GRM7: variants seen among roughly 807,000 people sequenced by gnomAD.
The protein encoded by GRM7 is glutamate metabotropic receptor 7.
Under a neutral mutation model 84.5 loss-of-function variants are expected in GRM7, and 35 were observed. The ratio of observed to expected loss-of-function variants is 0.41; its 90% confidence interval spans 0.32 to 0.55. The LOEUF (loss-of-function observed/expected upper bound fraction) is 0.55. GRM7 is among the 20% of genes least tolerant of loss of function. The pLI is 0.19. For synonymous variants in GRM7, 487 were observed against 455.1 expected, an observed-to-expected ratio of 1.07 and a Z score of -0.89; for missense variants, 1,003 against 1,194.6, an observed-to-expected ratio of 0.84 and a Z score of 2.36.
At chr3:7,139,008 T>C (rs2125060653) in intron 1 of GRM7, among the ~76,000 whole-genome samples, 1 of 148,562 alleles carries the variant, frequency 6.7e-6, no homozygotes, top group East Asian at 1.9e-4. Context: ...TATATTTTTT[T>C]AGTTTTTCTA....
intron 7 of GRM7, among the ~76,000 whole-genome samples, chr3:7,517,059 A>C (rs367728922): frequency 2.0e-5 from 3 of 152,096 alleles, no homozygotes; most frequent in Admixed American, 2.0e-4. Flanking sequence ...GGGCTATGGC[A>C]TGCTTTCTTT....
intron 4 of GRM7, among the ~76,000 whole-genome samples, chr3:7,310,430 A>T (rs7616360): frequency 0.66 from 99,833 of 152,046 alleles, 34,108 homozygotes; most frequent in African/African-American, 0.85. Flanking sequence ...ACTGGAAAGA[A>T]CAAAGCTGTG....
chr3:7,641,541 A>T (rs1698363547), intron 8 of GRM7, among the ~76,000 whole-genome samples: 1 of 152,108 alleles, frequency 6.6e-6, no homozygotes, highest in East Asian at 1.9e-4. Context: ...ACATGTGAAA[A>T]TCTTTATACC....
At chr3:7,710,666 C>T (rs997504274) in intron 9 of GRM7, among the ~76,000 whole-genome samples, 1 of 152,104 alleles carries the variant, frequency 6.6e-6, no homozygotes, top group African/African-American at 2.4e-5. Flanking sequence ...GGGCATTAGT[C>T]CTTCCCCGGT....
At chr3:7,008,446 A>G (rs1695255459) in intron 1 of GRM7, among the ~76,000 whole-genome samples, 1 of 152,228 alleles carries the variant, frequency 6.6e-6, no homozygotes, top group South Asian at 2.1e-4. Flanking sequence ...CACTTACTAC[A>G]CTGATTTGCT....
chr3:7,205,535 TA>T (rs939240052), intron 2 of GRM7, among the ~76,000 whole-genome samples: 1 of 152,232 alleles, frequency 6.6e-6, no homozygotes, highest in African/African-American at 2.4e-5. Context: ...TTAATACTCT[TA>T]TATAATGTTT....
chr3:6,970,575 G>A (rs897486253), intron 1 of GRM7, among the ~76,000 whole-genome samples: 2 of 152,132 alleles, frequency 1.3e-5, no homozygotes, highest in Non-Finnish European at 2.9e-5. Flanking sequence ...GGAAAGCCGT[G>A]GTGGGAATTT....
intron 1 of GRM7, among the ~76,000 whole-genome samples, chr3:7,022,556 G>GA (rs1053016833): frequency 1.3e-5 from 2 of 151,148 alleles, no homozygotes; most frequent in African/African-American, 4.9e-5. Context: ...TTTAAAATCA[G>GA]AAAAAAAACT....
At chr3:7,094,851 T>TA (rs1424652475) in intron 1 of GRM7, among the ~76,000 whole-genome samples, 25 of 152,156 alleles carry the variant, frequency 1.6e-4, no homozygotes, top group Non-Finnish European at 2.9e-4. Context: ...AAGTAAATGT[T>TA]AAAAAAATTA....
At chr3:7,541,792 T>C (rs1200664196) in intron 7 of GRM7, among the ~76,000 whole-genome samples, 1 of 152,218 alleles carries the variant, frequency 6.6e-6, no homozygotes, top group Non-Finnish European at 1.5e-5. Flanking sequence ...AATAGTTTCC[T>C]GGGGCTGTTG....
At chr3:7,561,259 T>G (rs1156993881) in intron 7 of GRM7, among the ~76,000 whole-genome samples, 3 of 152,130 alleles carry the variant, frequency 2.0e-5, no homozygotes, top group African/African-American at 7.2e-5. Flanking sequence ...TCCAATATTC[T>G]AGAAAAGGAT....
intron 8 of GRM7, among the ~76,000 whole-genome samples, chr3:7,656,564 C>CACACAT (rs1699207168): frequency 6.7e-6 from 1 of 150,292 alleles, no homozygotes; most frequent in Non-Finnish European, 1.5e-5. Context: ...CACACACACA[C>CACACAT]ACACACACAC....
chr3:6,878,025 C>T (rs1695379000), intron 1 of GRM7, among the ~76,000 whole-genome samples: 1 of 151,620 alleles, frequency 6.6e-6, no homozygotes, highest in South Asian at 2.1e-4. Flanking sequence ...TTTCTTCCAC[C>T]TTCCACAGCA....
intron 1 of GRM7, among the ~76,000 whole-genome samples, chr3:6,981,799 G>C (rs1694216775): frequency 6.6e-6 from 1 of 152,084 alleles, no homozygotes; most frequent in South Asian, 2.1e-4. Context: ...AAAAACAACA[G>C]ATGCTGTCGA....
intron 5 of GRM7, among the ~76,000 whole-genome samples, chr3:7,437,088 T>G (rs1391758356): frequency 1.3e-5 from 2 of 152,224 alleles, no homozygotes; most frequent in East Asian, 3.8e-4. Flanking sequence ...ATTATTCATT[T>G]TTGTTTTCTA....
At chr3:7,142,835 T>A (rs1179668217) in intron 1 of GRM7, among the ~76,000 whole-genome samples, 1 of 152,182 alleles carries the variant, frequency 6.6e-6, no homozygotes. Context: ...TTTAAATAGG[T>A]TATAGATGTT....
At chr3:7,473,433 A>G (rs1698783757) in intron 7 of GRM7, among the ~76,000 whole-genome samples, 1 of 151,570 alleles carries the variant, frequency 6.6e-6, no homozygotes, top group African/African-American at 2.4e-5. Flanking sequence ...CTATGACTGC[A>G]CTGCTGCACT....
intron 4 of GRM7, among the ~76,000 whole-genome samples, chr3:7,413,213 A>G (rs1696017410): frequency 6.6e-6 from 1 of 152,144 alleles, no homozygotes; most frequent in South Asian, 2.1e-4. Flanking sequence ...ACCATTCTGT[A>G]TCAGAAGCTC....
chr3:7,456,896 C>T (rs570751061), intron 6 of GRM7, among the ~76,000 whole-genome samples: 26 of 152,094 alleles, frequency 1.7e-4, no homozygotes, highest in African/African-American at 6.0e-4. Context: ...TGTCACTTTA[C>T]GGGAGCAAAG....
Sources: gnomAD v4.1 joint callset for allele counts (sites outside exome capture counted in the v4.1 genomes callset) on GRCh38, gnomAD v4.1.1 for gene constraint, MANE v1.5 for transcripts, NCBI Gene and HGNC (gene_info 2026-07-23, HGNC 2026-07-21) for gene names.